The following SMOC2 variants were observed in gnomAD, a reference collection of about 807,000 sequenced individuals.
SMOC2 encodes SPARC related modular calcium binding 2.
A neutral mutation model predicts 61.4 loss-of-function variants in SMOC2; 39 were observed. The observed-to-expected ratio is 0.64, with a 90% CI of 0.49 to 0.83. The LOEUF (loss-of-function observed/expected upper bound fraction) is 0.83. SMOC2 is among the 40% of genes least tolerant of loss of function. SMOC2 has a pLI of 0.00. For synonymous variants in SMOC2, 247 were observed against 239.9 expected (o/e 1.03, Z -0.27); for missense variants, 556 against 592.9 (o/e 0.94, Z 0.65).
chr6:168,635,936 C>T (rs563527240), intron 9 of SMOC2, among the ~76,000 whole-genome samples: 23 of 151,950 alleles, frequency 1.5e-4, no homozygotes, highest in Admixed American at 1.4e-3. Flanking sequence ...ATAGGACTCT[C>T]ACTTCAGATC....
intron 1 of SMOC2, among the ~76,000 whole-genome samples, chr6:168,509,456 A>C (rs1480526430): frequency 1.3e-5 from 2 of 152,244 alleles, no homozygotes; most frequent in Non-Finnish European, 2.9e-5. Flanking sequence ...CATTTAAATC[A>C]GGAAGGATTC....
chr6:168,465,738 T>C (rs1192167363), intron 1 of SMOC2, among the ~76,000 whole-genome samples: 1 of 141,062 alleles, frequency 7.1e-6, no homozygotes, highest in African/African-American at 2.7e-5. Context: ...CTCTGAGAGC[T>C]GGAACTGGGG....
At chr6:168,528,522 G>T (rs1405954171) in intron 4 of SMOC2, among the ~76,000 whole-genome samples, 1 of 152,066 alleles carries the variant, frequency 6.6e-6, no homozygotes, top group Non-Finnish European at 1.5e-5. Context: ...TGCATTTAGA[G>T]TTTACCTTTT....
At chr6:168,586,295 T>C (rs1785045917) in intron 7 of SMOC2, among the ~76,000 whole-genome samples, 1 of 152,192 alleles carries the variant, frequency 6.6e-6, no homozygotes, top group East Asian at 1.9e-4. Context: ...ATTGAACATA[T>C]ACATATATTT....
chr6:168,441,241 C>A lies in SMOC2; in HGVS notation c.-130C>A, dbSNP rs1480706328. The stretch of plus-strand genomic sequence containing the variant: ...GCTGCTCCAGCCGGGCCGCCGGGAG[C>A]GGTGGGGAGAGCATCGCGGAGCCGC... On this transcript the variant is annotated 5_prime_UTR_variant, in exon 1 of 13. Coordinates refer to ENST00000356284, the MANE Select transcript of SMOC2 (RefSeq NM_001166412.2). 3.1e-6 allele frequency: 4 copies of A among 1,310,336 alleles called. No homozygotes were observed. Among genetic ancestry groups the A allele is most frequent in the Non-Finnish European group, 3.9e-6 (4 of 1,027,094 alleles). The allele number at this position is 1,310,336 out of a possible 1,614,324, so 81.2% of individuals were successfully genotyped here.
chr6:168,603,242 C>CTT (rs35236951), intron 8 of SMOC2, among the ~76,000 whole-genome samples: 32 of 96,346 alleles, frequency 3.3e-4, no homozygotes, highest in East Asian at 6.2e-4. Context: ...TCAATTAAAC[C>CTT]TTTTTTTTTT....
chr6:168,525,382 A>G (rs2763249), intron 2 of SMOC2, among the ~76,000 whole-genome samples: 103,660 of 152,140 alleles, frequency 0.68, 37,468 homozygotes, highest in Non-Finnish European at 0.8. Flanking sequence ...TCAGTAAGCA[A>G]CCGACTTTGT....
intron 4 of SMOC2, among the ~76,000 whole-genome samples, chr6:168,528,267 G>GTGTT (rs1783502045): frequency 7.3e-6 from 1 of 136,572 alleles, no homozygotes; most frequent in African/African-American, 2.7e-5. Flanking sequence ...TCCCATTAGT[G>GTGTT]TTTTTTTTTT....
At chr6:168,614,068 C>T (rs1219988372) in intron 9 of SMOC2, among the ~76,000 whole-genome samples, 2 of 100,420 alleles carry the variant, frequency 2.0e-5, no homozygotes. Context: ...GGCCTCTTCA[C>T]ACCTACAGCC....
intron 1 of SMOC2, among the ~76,000 whole-genome samples, chr6:168,448,883 A>C (rs1781397010): frequency 6.6e-6 from 1 of 152,108 alleles, no homozygotes; most frequent in Admixed American, 6.6e-5. Context: ...GGTTGATATT[A>C]CCTCAATGGG....
rs570995504 is a variant in SMOC2, at chr6:168,496,686, G to A, written c.85-13229G>A. Among the ~76,000 whole-genome samples the A allele has an allele frequency of 5.9e-5, 9 of 152,264 alleles. No homozygotes were observed. In the East Asian group the frequency reaches 1.6e-3, roughly 26 times the overall value. On this transcript the variant is annotated intron_variant, in intron 1 of 12. Transcript: ENST00000356284. The stretch of plus-strand genomic sequence containing the variant: ...CAGGTGAAGGACTGCAGGAGGCAGC[G>A]GTGAGGGCCCCCACCCTGGGGCCTC...
intron 9 of SMOC2, 94 bp from the exon 10 acceptor site, chr6:168,650,587 A>C: frequency 2.5e-6 from 3 of 1,222,568 alleles, no homozygotes; most frequent in Non-Finnish European, 3.4e-6. Context: ...CAAAATACTC[A>C]TTTCCAAACA....
Position 168,453,359 on chromosome 6 carries a change from C to A in SMOC2, c.84+11905C>A, listed in dbSNP as rs755155464. ...CTCCGGGTCTCCTCCTCACTCTTCTCAGTCTACCCTGGAGTTCAACAAAAA... is the reference window on the plus strand; with the variant it reads ...CTCCGGGTCTCCTCCTCACTCTTCTAAGTCTACCCTGGAGTTCAACAAAAA... On this transcript the variant is annotated intron_variant, in intron 1 of 12. Transcript: ENST00000356284. This position sits in a 1 kb window ranked among gnomAD's most constrained non-coding sequence, Gnocchi z 4.4. Among the ~76,000 whole-genome samples the A allele has an allele frequency of 2.1e-4, 32 of 152,192 alleles. No homozygotes were observed. The highest frequency in any genetic ancestry group is 4.0e-4 in the Non-Finnish European group (27 of 68,024).
At chr6:168,442,696 G>T (rs1325956661) in intron 1 of SMOC2, among the ~76,000 whole-genome samples, 1 of 152,254 alleles carries the variant, frequency 6.6e-6, no homozygotes, top group Non-Finnish European at 1.5e-5. Context: ...AAACAGTCAT[G>T]TGGGCATCTT....
At chr6:168,471,876 T>C (rs1019252526) in intron 1 of SMOC2, among the ~76,000 whole-genome samples, 1 of 152,238 alleles carries the variant, frequency 6.6e-6, no homozygotes, top group African/African-American at 2.4e-5. Flanking sequence ...TCAAGTCCTG[T>C]GCCCATTTTT....
chr6:168,552,902 A>G (rs565488417), intron 7 of SMOC2, among the ~76,000 whole-genome samples: 1 of 141,816 alleles, frequency 7.1e-6, no homozygotes, highest in African/African-American at 2.6e-5. Context: ...CTGTCCTCCG[A>G]GATGCTCTGC....
At chr6:168,448,398 TGGG>T (rs1781380435) in intron 1 of SMOC2, among the ~76,000 whole-genome samples, 3 of 131,858 alleles carry the variant, frequency 2.3e-5, no homozygotes, top group Admixed American at 2.3e-4. Flanking sequence ...AGAATGGAGA[TGGG>T]GAGGAGGATG....
chr6:168,655,660 C>T lies in SMOC2; in HGVS notation c.1285+2432C>T, dbSNP rs1198321880. 3.3e-5 allele frequency among the ~76,000 whole-genome samples: 5 copies of T among 151,608 alleles called. No homozygotes were observed. The East Asian group carries it at 5.8e-4, about 18-fold the overall frequency. On this transcript the variant is annotated intron_variant, in intron 11 of 12. Transcript: ENST00000356284. ...CACGTGTGTGCTAGATCCCCCTGCA[C>T]GTGTGTACTAGATTTCCCTCACACA... is the stretch of plus-strand genomic sequence containing the variant.
chr6:168,485,179 T>A (rs1319456311), intron 1 of SMOC2, among the ~76,000 whole-genome samples: 1 of 152,004 alleles, frequency 6.6e-6, no homozygotes, highest in East Asian at 1.9e-4. Flanking sequence ...AATTAAAAAG[T>A]CAGAAAATAG....
Sources: allele counts gnomAD v4.1 joint callset (sites outside exome capture counted in the v4.1 genomes callset), GRCh38; gene constraint gnomAD v4.1.1; non-coding constraint Gnocchi (gnomAD v3.1); transcripts MANE v1.5; gene names NCBI Gene and HGNC (gene_info 2026-07-23, HGNC 2026-07-21).